TRIM24: variants seen among roughly 807,000 people sequenced by gnomAD.
The protein encoded by TRIM24 is transcription intermediary factor 1-alpha.
A neutral mutation model predicts 123.9 loss-of-function variants in TRIM24; 29 were observed. The observed-to-expected ratio is 0.23, with a 90% confidence interval of 0.17 to 0.32. The LOEUF (loss-of-function observed/expected upper bound fraction) is 0.32, where lower values mean the gene tolerates loss of function less well. TRIM24 is among the 10% of genes least tolerant of loss of function. The pLI is 1.00. For missense variants in TRIM24, 932 were observed against 1,295.3 expected (o/e 0.72, Z 4.31); for synonymous variants, 456 against 461.1 (o/e 0.99, Z 0.14).
At chr7:138,469,422 C>T (rs1221830339) in intron 1 of TRIM24, among the ~76,000 whole-genome samples, 4 of 151,788 alleles carry the variant, frequency 2.6e-5, no homozygotes, top group South Asian at 4.2e-4. Flanking sequence ...AATTCTCCTG[C>T]GTCAGCCTCC....
rs111976619 is a variant in TRIM24 at position 138,564,385 on chromosome 7, C to T, written c.1531-3096C>T. ...GCATGTTACCATCTGAATCTGACTC[C>T]TTGGGGGCCGTTGGCCTCAGTAAAT... On this transcript the variant is annotated intron_variant, in intron 9 of 18. Transcript: ENST00000343526. Among the ~76,000 whole-genome samples, 599 of 152,266 alleles carry T rather than the reference C, an allele frequency of 3.9e-3. 5 individuals carry two copies. Among genetic ancestry groups the T allele is most frequent in the African/African-American group, 0.014 (572 of 41,550 alleles).
chr7:138,521,037 A>G (rs150948360), intron 4 of TRIM24, among the ~76,000 whole-genome samples: 34 of 152,310 alleles, frequency 2.2e-4, no homozygotes, highest in African/African-American at 7.7e-4. Flanking sequence ...AGAAAGTAAT[A>G]TTTTTAAAGT....
intron 1 of TRIM24, chr7:138,490,756 A>T: frequency 4.0e-6 from 2 of 497,590 alleles, no homozygotes; most frequent in Non-Finnish European, 7.9e-6. Flanking sequence ...TGGAGAGGAG[A>T]AATAGATTGG....
At chr7:138,541,519 A>G (rs540789856) in intron 7 of TRIM24, among the ~76,000 whole-genome samples, 3 of 152,208 alleles carry the variant, frequency 2.0e-5, no homozygotes, top group South Asian at 2.1e-4. Context: ...TATTGTAAGT[A>G]GATGTGCTGT....
At chr7:138,578,563 T>TGTGCGCGC (rs145011901) in intron 14 of TRIM24, among the ~76,000 whole-genome samples, 6,326 of 144,944 alleles carry the variant, frequency 0.044, 182 homozygotes, top group East Asian at 0.1. Context: ...TGTGTGTGTG[T>TGTGCGCGC]GCGCGCACGC....
At chr7:138,508,708 C>CAT (rs1554436688) in intron 2 of TRIM24, among the ~76,000 whole-genome samples, 3 of 136,194 alleles carry the variant, frequency 2.2e-5, no homozygotes, top group African/African-American at 8.0e-5. Flanking sequence ...CGCGTGTGTG[C>CAT]GTGTGTGTGT....
intron 3 of TRIM24, among the ~76,000 whole-genome samples, 195 bp from the exon 4 acceptor site, chr7:138,518,994 T>C (rs1413746087): frequency 6.6e-6 from 1 of 152,198 alleles, no homozygotes; most frequent in Non-Finnish European, 1.5e-5. Flanking sequence ...GAAAAGGTTA[T>C]TTACTTTTTT....
rs995804229 is a variant in TRIM24, at chr7:138,579,279, C to T, written c.2332C>T (p.Leu778=). 3.7e-6 allele frequency: 6 copies of T among 1,614,024 alleles called. No homozygotes were observed. The highest frequency in any genetic ancestry group is 5.1e-6 in the Non-Finnish European group (6 of 1,180,012). ...GAGCTCTACTTCTGAGGAGACTGTGCTAAGATCAGATGCCCCTGATAGTAC... is the reference window on the plus strand; with the variant it reads ...GAGCTCTACTTCTGAGGAGACTGTGTTAAGATCAGATGCCCCTGATAGTAC... The part of the protein sequence containing the change: ...SQSSTSEETV[L]RSDAPDSTGD... The change falls in exon 15 of 19, where the codon CTA becomes TTA. Residue 778 remains leucine, a synonymous_variant. Coordinates refer to ENST00000343526, the MANE Select transcript of TRIM24 (RefSeq NM_015905.3).
intron 17 of TRIM24, among the ~76,000 whole-genome samples, chr7:138,582,419 G>A (rs1797916173): frequency 6.6e-6 from 1 of 152,000 alleles, no homozygotes; most frequent in African/African-American, 2.4e-5. Context: ...GCAGGCGCCT[G>A]TAGTCCCAGC....
chr7:138,584,916 C>T lies in TRIM24; in HGVS notation c.3118C>T (p.Leu1040Phe). 7.4e-6 allele frequency: 12 copies of T among 1,612,672 alleles called. No individual in the cohort carries two copies. The highest frequency in any genetic ancestry group is 1.0e-5 in the Non-Finnish European group (12 of 1,179,580). Reference protein sequence around the residue: ...DDFVQPRKKRLKSIEERQLLK With the variant: ...DDFVQPRKKRFKSIEERQLLK ...CTTTGTACAGCCCCGGAAGAAACGC[C>T]TCAAAAGCATTGAAGAACGCCAGTT... is the stretch of plus-strand genomic sequence containing the variant. Residue 1040 changes from leucine to phenylalanine, a missense_variant, in exon 19 of 19, where the codon CTC becomes TTC. Around this residue, in one of 7 missense-constraint regions of TRIM24, gnomAD observed 104 missense variants for 121.5 expected, o/e 0.86. Transcript: ENST00000343526.
At chr7:138,525,551 C>T (rs917732273) in intron 5 of TRIM24, among the ~76,000 whole-genome samples, 194 bp downstream of exon 5, 1 of 152,122 alleles carries the variant, frequency 6.6e-6, no homozygotes, top group Non-Finnish European at 1.5e-5. Flanking sequence ...TAATAATAAA[C>T]TACACTTAGT....
intron 6 of TRIM24, among the ~76,000 whole-genome samples, chr7:138,533,958 C>T (rs1796808266): frequency 6.6e-6 from 1 of 152,072 alleles, no homozygotes; most frequent in African/African-American, 2.4e-5. Context: ...GTGTATATGT[C>T]GAGGAATTTA....
chr7:138,518,683 T>C (rs1457715256), intron 3 of TRIM24, among the ~76,000 whole-genome samples: 1 of 152,204 alleles, frequency 6.6e-6, no homozygotes, highest in East Asian at 1.9e-4. Context: ...TGTCTCTGTC[T>C]GTGAGGTCTC....
At chr7:138,508,700 C>CGTGTGTGCGTGCGTGTGT (rs1796212412) in intron 2 of TRIM24, among the ~76,000 whole-genome samples, 3 of 35,508 alleles carry the variant, frequency 8.4e-5, no homozygotes, top group African/African-American at 2.2e-4. Context: ...TGTGCGCGCG[C>CGTGTGTGCGTGCGTGTGT]GTGTGTGCGT....
chr7:138,490,911 A>G, intron 1 of TRIM24: 1 of 393,472 alleles, frequency 2.5e-6, no homozygotes, highest in East Asian at 7.0e-5. Flanking sequence ...AGCATAAGAG[A>G]TCTTCCGTAT....
chr7:138,534,404 G>C lies in TRIM24; in HGVS notation c.997-4253G>C, dbSNP rs572756644. Among the ~76,000 whole-genome samples, 4 of 152,310 alleles carry C rather than the reference G, an allele frequency of 2.6e-5. No homozygotes were observed. In the South Asian group the frequency reaches 8.3e-4, roughly 32 times the overall value. ...CTTTAAATGTGTCCCAGAGATCCAGGTACGTTGTGTCTTTGTTCTTATTGG... is the reference window on the plus strand; with the variant it reads ...CTTTAAATGTGTCCCAGAGATCCAGCTACGTTGTGTCTTTGTTCTTATTGG... On this transcript the variant is annotated intron_variant, in intron 6 of 18. Transcript: ENST00000343526.
intron 7 of TRIM24, among the ~76,000 whole-genome samples, chr7:138,544,999 T>C (rs1189361976): frequency 6.6e-6 from 1 of 152,188 alleles, no homozygotes; most frequent in Non-Finnish European, 1.5e-5. Context: ...CACATAAGAA[T>C]TGAACACACC....
At chr7:138,485,781 C>T (rs1795632469) in intron 1 of TRIM24, among the ~76,000 whole-genome samples, 1 of 152,106 alleles carries the variant, frequency 6.6e-6, no homozygotes, top group Admixed American at 6.6e-5. Context: ...CTCCTGTTGT[C>T]AGTAGTGCCA....
chr7:138,478,833 G>A (rs1795463225), intron 1 of TRIM24, among the ~76,000 whole-genome samples: 1 of 152,142 alleles, frequency 6.6e-6, no homozygotes, highest in African/African-American at 2.4e-5. Context: ...AGGTTAGTTG[G>A]TGGTTTCTGA....
Sources: gnomAD v4.1 joint callset for allele counts (sites outside exome capture counted in the v4.1 genomes callset) on GRCh38, gnomAD v4.1.1 for gene constraint, gnomAD v4.1.1 regional missense constraint, MANE v1.5 for transcripts, NCBI Gene and HGNC (gene_info 2026-07-23, HGNC 2026-07-21) for gene names.